The following TRPM1 variants were observed in gnomAD, a reference collection of about 807,000 sequenced individuals.
TRPM1 encodes the protein transient receptor potential cation channel subfamily M member 1, also known as TRPM1-203 APA Isoform, Intron 10.
In TRPM1, 113 loss-of-function variants were observed where a neutral mutation model predicts 149.4. The observed-to-expected ratio is 0.76, with a 90% CI of 0.65 to 0.88. TRPM1 has a LOEUF of 0.88. TRPM1 is among the 40% of genes least tolerant of loss of function. The pLI is 0.00. For synonymous variants in TRPM1, 741 were observed against 759.5 expected, an observed-to-expected ratio of 0.98 and a Z score of 0.40; for missense variants, 1,976 against 2,038.7, an observed-to-expected ratio of 0.97 and a Z score of 0.59.
At chr15:31,104,066 G>A (rs543711255), upstream of TRPM1, among the ~76,000 whole-genome samples, 594 of 87,284 alleles carry the variant, frequency 6.8e-3, 4 homozygotes, top group South Asian at 0.029. Context: ...TAAGGTCTGA[G>A]AATCATTATG....
chr15:31,160,880 G>A (rs1376972109), intron 1 of TRPM1: 7 of 1,535,106 alleles, frequency 4.6e-6, no homozygotes, highest in African/African-American at 4.1e-5. Context: ...CCAGCTGCCC[G>A]CAGGCCACTG....
chr15:31,124,940 G>A (rs544173781), intron 1 of TRPM1, among the ~76,000 whole-genome samples: 6 of 152,244 alleles, frequency 3.9e-5, no homozygotes, highest in East Asian at 1.9e-4. Flanking sequence ...TTGGGAGGCC[G>A]AGGTGGGCGG....
At chr15:31,088,509 C>G (rs995244206) in intron 1 of TRPM1, among the ~76,000 whole-genome samples, 2 of 152,202 alleles carry the variant, frequency 1.3e-5, no homozygotes, top group Non-Finnish European at 2.9e-5. Context: ...GAAAGACGAG[C>G]AACTCTGGAT....
intron 3 of TRPM1, 145 bp downstream of exon 3, chr15:31,076,760 C>T: frequency 2.8e-6 from 2 of 710,258 alleles, no homozygotes; most frequent in Admixed American, 2.0e-5. Context: ...AACAAGGAGC[C>T]CCAGTGACTC....
chr15:31,098,076 A>G (rs1036376245), intron 1 of TRPM1, among the ~76,000 whole-genome samples: 4 of 152,204 alleles, frequency 2.6e-5, no homozygotes, highest in Admixed American at 6.5e-5. Flanking sequence ...TTAAGTGGCT[A>G]CTACACAGTT....
chr15:31,123,147 A>G (rs987154638), intron 1 of TRPM1, among the ~76,000 whole-genome samples: 2 of 152,366 alleles, frequency 1.3e-5, no homozygotes, highest in Non-Finnish European at 2.9e-5. Context: ...ATGGAAATAA[A>G]TGAATCTAGA....
upstream of TRPM1, among the ~76,000 whole-genome samples, chr15:31,105,877 T>A (rs1555429825): frequency 6.6e-6 from 1 of 152,250 alleles, no homozygotes; most frequent in Non-Finnish European, 1.5e-5. Flanking sequence ...TTATTATGTG[T>A]CTAGTGAGCT....
chr15:31,013,752 A>G (rs2032266782), intron 27 of TRPM1, among the ~76,000 whole-genome samples: 1 of 152,120 alleles, frequency 6.6e-6, no homozygotes, highest in Non-Finnish European at 1.5e-5. Flanking sequence ...TTGTTTGTTT[A>G]GTGATTTTTG....
intron 1 of TRPM1, among the ~76,000 whole-genome samples, chr15:31,147,002 T>C (rs772564220): frequency 6.7e-6 from 1 of 149,454 alleles, no homozygotes; most frequent in Non-Finnish European, 1.5e-5. Flanking sequence ...AAAAAAAAAA[T>C]GACCAATTCA....
At position 31,160,708 on chromosome 15, in the gene TRPM1, G is replaced by A. The variant is rs12899902; in HGVS notation, c.54+198C>T. 0.31 allele frequency among the ~76,000 whole-genome samples: 46,879 copies of A among 152,094 alleles called. 7,792 individuals are homozygous for A. The highest frequency in any genetic ancestry group is 0.63 in the East Asian group (3,229 of 5,156). On this transcript the variant is annotated intron_variant, in intron 1 of 26. Coordinates refer to the TRPM1 transcript ENST00000542188. ...ACTGAGACCACAGGCGTTGGACACC[G>A]TGGCAGGAAACATAGGGCACCTTCT... is the stretch of plus-strand genomic sequence containing the variant.
chr15:31,064,094 C>T (rs754280588), intron 7 of TRPM1, among the ~76,000 whole-genome samples: 2 of 152,222 alleles, frequency 1.3e-5, no homozygotes, highest in African/African-American at 2.4e-5. Context: ...CACCAAGAGC[C>T]TTAGACAGCC....
chr15:31,043,287 G>A (rs1018901737), intron 16 of TRPM1, among the ~76,000 whole-genome samples: 1 of 152,156 alleles, frequency 6.6e-6, no homozygotes, highest in Non-Finnish European at 1.5e-5. Context: ...TCTGCCTCCC[G>A]GGTTCATGCC....
intron 27 of TRPM1, among the ~76,000 whole-genome samples, chr15:31,009,120 A>AT (rs1019014103): frequency 6.7e-4 from 99 of 147,290 alleles, no homozygotes; most frequent in African/African-American, 1.9e-3. Context: ...TCTTTGTCTG[A>AT]TTTTTTTTTT....
Position 31,050,339 on chromosome 15 carries a change from G to A in TRPM1, c.1437+70C>T. 1.9e-6 allele frequency: 3 copies of A among 1,612,196 alleles called. No individual in the cohort carries two copies. In the South Asian group the frequency reaches 3.3e-5, roughly 18 times the overall value. On this transcript the variant is annotated intron_variant, in intron 12 of 27. Coordinates refer to ENST00000256552, the MANE Select transcript of TRPM1 (RefSeq NM_001252024.2). Reference sequence around the variant, plus strand: ...AGGGCCCTGGGTGGGACTGAAGCAAGGACAAGAACCATCCCTTCCCCTGGG... The same window carrying A: ...AGGGCCCTGGGTGGGACTGAAGCAAAGACAAGAACCATCCCTTCCCCTGGG...
intron 27 of TRPM1, among the ~76,000 whole-genome samples, chr15:31,020,195 A>T (rs141932817): frequency 1.1e-3 from 175 of 152,360 alleles, no homozygotes; most frequent in African/African-American, 4.0e-3. Flanking sequence ...CACGAAGTGA[A>T]GCCCTCATTA....
At chr15:31,033,645 G>C (rs138962734) in intron 21 of TRPM1, among the ~76,000 whole-genome samples, 102 of 152,262 alleles carry the variant, frequency 6.7e-4, no homozygotes, top group African/African-American at 2.4e-3. Context: ...TGGTAGGATG[G>C]GGCAGTGGCT....
chr15:31,069,779 C>G, intron 4 of TRPM1: 1 of 1,454,668 alleles, frequency 6.9e-7, no homozygotes, highest in East Asian at 2.5e-5. Context: ...TGGGCCAGAG[C>G]CTGGTTTGTG....
At chr15:31,149,869 A>G (rs2036276195) in intron 1 of TRPM1, among the ~76,000 whole-genome samples, 1 of 152,200 alleles carries the variant, frequency 6.6e-6, no homozygotes, top group South Asian at 2.1e-4. Flanking sequence ...AATTTCTTCA[A>G]TTCTGAAACT....
At chr15:31,027,679 C>T (rs368161231) in intron 25 of TRPM1, among the ~76,000 whole-genome samples, 3 of 152,218 alleles carry the variant, frequency 2.0e-5, no homozygotes, top group East Asian at 3.8e-4. Context: ...TTTCTCATCT[C>T]TCAAGCCAGA....
Sources: gnomAD v4.1 joint callset for allele counts (sites outside exome capture counted in the v4.1 genomes callset) on GRCh38, gnomAD v4.1.1 for gene constraint, MANE v1.5 for transcripts, NCBI Gene and HGNC (gene_info 2026-07-23, HGNC 2026-07-21) for gene names.